AGBL4: variants seen among roughly 807,000 people sequenced by gnomAD.
AGBL4 encodes cytosolic carboxypeptidase 6.
Under a neutral mutation model 66.4 loss-of-function variants are expected in AGBL4, and 58 were observed. The ratio of observed to expected loss-of-function variants is 0.87; its 90% CI spans 0.71 to 1.09. The LOEUF (loss-of-function observed/expected upper bound fraction) is 1.09, where lower values mean the gene tolerates loss of function less well. AGBL4 is among the 50% of genes least tolerant of loss of function. The pLI, the probability that AGBL4 is intolerant of heterozygous loss-of-function variation, is 0.00. For synonymous variants in AGBL4, 234 were observed against 222.9 expected, an observed-to-expected ratio of 1.05 and a Z score of -0.44; for missense variants, 579 against 631.0, an observed-to-expected ratio of 0.92 and a Z score of 0.88.
intron 2 of AGBL4, among the ~76,000 whole-genome samples, chr1:49,832,152 C>A (rs1170028703): frequency 1.3e-5 from 2 of 151,912 alleles, no homozygotes; most frequent in Non-Finnish European, 2.9e-5. Flanking sequence ...CCCCCTTCCC[C>A]CACCCCACAG....
intron 11 of AGBL4, among the ~76,000 whole-genome samples, chr1:48,574,452 T>C (rs1178348938): frequency 6.6e-6 from 1 of 152,228 alleles, no homozygotes; most frequent in Non-Finnish European, 1.5e-5. Context: ...ATGCTGTTTA[T>C]TTCTGGATGG....
intron 3 of AGBL4, among the ~76,000 whole-genome samples, chr1:49,455,114 A>C (rs1646360778): frequency 6.6e-6 from 1 of 151,702 alleles, no homozygotes; most frequent in Admixed American, 6.6e-5. Context: ...TTTGTGCTTA[A>C]TCACTGCTTA....
intron 3 of AGBL4, among the ~76,000 whole-genome samples, chr1:49,528,788 G>C (rs1431839103): frequency 6.6e-6 from 1 of 152,054 alleles, no homozygotes; most frequent in Non-Finnish European, 1.5e-5. Context: ...ATTTCAGGCA[G>C]AGGAAAGAGA....
intron 4 of AGBL4, among the ~76,000 whole-genome samples, chr1:49,105,156 T>C (rs1414930697): frequency 6.6e-6 from 1 of 152,182 alleles, no homozygotes; most frequent in Non-Finnish European, 1.5e-5. Context: ...CTGAATGGCT[T>C]AATGTAAGCA....
intron 2 of AGBL4, among the ~76,000 whole-genome samples, chr1:49,764,236 G>A (rs536170817): frequency 3.3e-5 from 5 of 152,154 alleles, no homozygotes; most frequent in Admixed American, 1.3e-4. Context: ...ATCCAGCATC[G>A]CCTGGGTGGG....
At chr1:49,426,860 A>G (rs1645671191) in intron 3 of AGBL4, among the ~76,000 whole-genome samples, 1 of 152,184 alleles carries the variant, frequency 6.6e-6, no homozygotes, top group African/African-American at 2.4e-5. Flanking sequence ...GTAGGCTACT[A>G]TCTAGCTGGA....
intron 2 of AGBL4, chr1:49,845,342 G>A: frequency 6.8e-7 from 1 of 1,467,928 alleles, no homozygotes; most frequent in Non-Finnish European, 9.5e-7. Context: ...TGCAGTGTAT[G>A]TGGGAAATCC....
intron 4 of AGBL4, among the ~76,000 whole-genome samples, chr1:49,198,355 A>T (rs1244313716): frequency 6.6e-6 from 1 of 152,082 alleles, no homozygotes; most frequent in Non-Finnish European, 1.5e-5. Flanking sequence ...TAATTAATTT[A>T]TTCGAAATGG....
chr1:49,380,489 A>G (rs968043674), intron 3 of AGBL4, among the ~76,000 whole-genome samples: 2 of 152,060 alleles, frequency 1.3e-5, no homozygotes, highest in Admixed American at 6.5e-5. Flanking sequence ...AATTGGAAAA[A>G]ACTACTTTAA....
At chr1:49,315,156 T>A (rs1425335627) in intron 3 of AGBL4, among the ~76,000 whole-genome samples, 2 of 152,182 alleles carry the variant, frequency 1.3e-5, no homozygotes, top group Admixed American at 6.5e-5. Context: ...GCTTTGCCTA[T>A]TTAATAAATG....
intron 6 of AGBL4, among the ~76,000 whole-genome samples, chr1:48,756,525 G>A (rs1643936165): frequency 6.6e-6 from 1 of 152,174 alleles, no homozygotes; most frequent in South Asian, 2.1e-4. Context: ...AGTATTCATG[G>A]AAGAAAATAA....
intron 3 of AGBL4, among the ~76,000 whole-genome samples, chr1:49,381,376 G>A (rs968454335): frequency 1.1e-4 from 16 of 152,194 alleles, no homozygotes; most frequent in Non-Finnish European, 1.6e-4. Context: ...GGAGAAATAG[G>A]AACACTTTGA....
In AGBL4 at chr1:49,415,000, T is replaced by C. The variant is rs375714980; in HGVS notation, c.283-169136A>G. 1.6e-3 allele frequency among the ~76,000 whole-genome samples: 239 copies of C among 152,246 alleles called. 1 individual carries two copies. The highest frequency in any genetic ancestry group is 4.9e-3 in the African/African-American group (204 of 41,568). ...ATGCTAATCCAACCCCATCATTTTT[T>C]AGATGAGGAACCTGAGGCATAGAGA... On this transcript the variant is annotated intron_variant, in intron 3 of 13. Transcript: ENST00000371839.
intron 3 of AGBL4, among the ~76,000 whole-genome samples, chr1:49,445,246 T>C (rs1465252943): frequency 6.6e-6 from 1 of 152,110 alleles, no homozygotes; most frequent in Non-Finnish European, 1.5e-5. Flanking sequence ...TAGGTGACTA[T>C]GTGCTTTTCT....
chr1:49,948,791 T>C (rs1391278238), intron 1 of AGBL4, among the ~76,000 whole-genome samples: 1 of 151,276 alleles, frequency 6.6e-6, no homozygotes, highest in Non-Finnish European at 1.5e-5. Flanking sequence ...TTCAGTGCAA[T>C]TCCCATCAAA....
chr1:49,811,434 C>T (rs1490263446), intron 2 of AGBL4, among the ~76,000 whole-genome samples: 1 of 152,046 alleles, frequency 6.6e-6, no homozygotes, highest in Admixed American at 6.6e-5. Context: ...TGGGTACTTA[C>T]AAAGTTCATT....
intron 11 of AGBL4, among the ~76,000 whole-genome samples, chr1:48,575,006 G>A (rs753984088): frequency 5.3e-5 from 8 of 152,100 alleles, no homozygotes; most frequent in Non-Finnish European, 1.2e-4. Context: ...ACACGTAGTC[G>A]ATGTTCAATA....
intron 1 of AGBL4, among the ~76,000 whole-genome samples, chr1:50,003,646 G>A (rs1660923310): frequency 6.6e-6 from 1 of 152,124 alleles, no homozygotes; most frequent in Admixed American, 6.6e-5. Flanking sequence ...AGAGACAATA[G>A]CCAAGTAATA....
chr1:49,420,512 A>G (rs1304520177), intron 3 of AGBL4, among the ~76,000 whole-genome samples: 1 of 152,126 alleles, frequency 6.6e-6, no homozygotes, highest in Non-Finnish European at 1.5e-5. Context: ...CATCCTGGCA[A>G]ACACGGTGAA....
Sources: gnomAD v4.1 joint callset for allele counts (sites outside exome capture counted in the v4.1 genomes callset) on GRCh38, gnomAD v4.1.1 for gene constraint, MANE v1.5 for transcripts, NCBI Gene and HGNC (gene_info 2026-07-23, HGNC 2026-07-21) for gene names.